Variants in BCAT2 observed in about 807,000 individuals in gnomAD.
BCAT2 encodes the protein branched-chain-amino-acid aminotransferase, mitochondrial.
A neutral mutation model predicts 52.9 loss-of-function variants in BCAT2; 44 were observed. That is an observed-to-expected ratio of 0.83 (90% CI 0.65 to 1.07). The LOEUF (loss-of-function observed/expected upper bound fraction) is 1.07. Among genes scored for constraint, BCAT2 ranks in the 50% least tolerant of loss-of-function variants. The pLI, the probability that BCAT2 is intolerant of heterozygous loss-of-function variation, is 0.00. For synonymous variants in BCAT2, 215 were observed against 217.1 expected (o/e 0.99, Z 0.08); for missense variants, 478 against 521.8 (o/e 0.92, Z 0.82).
At chr19:48,810,704 T>G in intron 1 of BCAT2, 33 of 388,990 alleles carry the variant, frequency 8.5e-5, no homozygotes, top group Non-Finnish European at 1.1e-4. Flanking sequence ...CCCCCACGCC[T>G]CCCTCATTAC....
rs753692010 is a variant in BCAT2 at position 48,810,980 on chromosome 19, C to G, written c.24+4G>C. On this transcript the variant is annotated splice_donor_region_variant and intron_variant, in intron 1 of 10. Transcript: ENST00000316273. ...CAGACCCCGGCGCGGGGCTGCGAAC[C>G]CACCTGCCCCAGAGCGGCTGCGGCC... The G allele has an allele frequency of 6.3e-5, 102 of 1,608,366 alleles. No homozygotes were observed. In the East Asian group the frequency reaches 2.2e-3, roughly 35 times the overall value.
In BCAT2 at chr19:48,796,587, G is replaced by C. The variant is rs759145627; in HGVS notation, c.1056C>G (p.Tyr352Ter). Residue 352 changes from tyrosine to a stop codon, truncating the protein, a stop_gained, in exon 9 of 11, where the codon TAC (tyrosine) becomes TAG (stop). Coordinates refer to ENST00000316273, the MANE Select transcript of BCAT2 (RefSeq NM_001190.4). LOFTEE classifies it high-confidence loss of function. Reference protein sequence around the residue: ...CQVCPVHRILYKDRNLHIPTM... With the variant: ...CQVCPVHRIL ...GGCAGCCCCGCCTCACCCTGTCTTT[G>C]TACAGGATTCGGTGCACTGGGCAGA... 8.1e-6 allele frequency: 13 copies of C among 1,612,080 alleles called. No homozygotes were observed. The highest frequency in any genetic ancestry group is 1.1e-5 in the Non-Finnish European group (13 of 1,179,422).
At chr19:48,798,340 C>T (rs539190533) in intron 6 of BCAT2, among the ~76,000 whole-genome samples, 14 of 152,336 alleles carry the variant, frequency 9.2e-5, no homozygotes, top group African/African-American at 3.4e-4. Context: ...GAGATAGCCT[C>T]TCCCCTCAGC....
chr19:48,797,397 G>C, intron 6 of BCAT2, 64 bp from the exon 7 acceptor site: 1 of 1,589,680 alleles, frequency 6.3e-7, no homozygotes, highest in Non-Finnish European at 8.6e-7. Flanking sequence ...CCCAGCCCCA[G>C]AGGAGGCTCA....
Position 48,807,518 on chromosome 19 carries a change from A to C in BCAT2, c.25-444T>G. 1 of 184,436 alleles carries C rather than the reference A, an allele frequency of 5.4e-6. No individual in the cohort carries two copies. Among genetic ancestry groups the C allele is most frequent in the Non-Finnish European group, 1.1e-5 (1 of 94,048 alleles). 11.4% of individuals were successfully genotyped at this position (184,436 alleles called of 1,614,324 possible). On this transcript the variant is annotated intron_variant, in intron 1 of 10. Coordinates refer to ENST00000316273, the MANE Select transcript of BCAT2 (RefSeq NM_001190.4). The surrounding 1 kb of genome is among the most constrained non-coding windows in gnomAD (Gnocchi z 4.6). ...CCCAGGCCCGCCTCCCTCAGACCTA[A>C]GTAAGAGTCCAGACTCTAGCTGCCT...
chr19:48,810,214 CAAAT>C (rs1021545582), intron 1 of BCAT2, among the ~76,000 whole-genome samples: 3 of 152,188 alleles, frequency 2.0e-5, no homozygotes, highest in African/African-American at 7.2e-5. Flanking sequence ...ATAAGAGACT[CAAAT>C]AAAGTCAGGT....
chr19:48,801,104 C>T (rs1453494840), intron 3 of BCAT2, among the ~76,000 whole-genome samples: 4 of 152,066 alleles, frequency 2.6e-5, no homozygotes, highest in Non-Finnish European at 5.9e-5. Context: ...TCTTGTGCCT[C>T]GGCCTCCTGG....
chr19:48,803,177 A>C (rs2034693008), intron 3 of BCAT2, among the ~76,000 whole-genome samples: 1 of 152,108 alleles, frequency 6.6e-6, no homozygotes, highest in Admixed American at 6.6e-5. Flanking sequence ...CCTGGGAAAC[A>C]GAGCAAGACA....
At chr19:48,797,656 T>C (rs34867589) in intron 6 of BCAT2, 37,024 of 304,656 alleles carry the variant, frequency 0.12, 2,694 homozygotes, top group Middle Eastern at 0.23. Context: ...GTTCAAGAGA[T>C]TCTCCTGCCT....
At chr19:48,803,504 G>A (rs2034699832) in intron 3 of BCAT2, among the ~76,000 whole-genome samples, 1 of 152,126 alleles carries the variant, frequency 6.6e-6, no homozygotes, top group Non-Finnish European at 1.5e-5. Context: ...CTCCAGCCTG[G>A]GCTACAGAGC....
intron 10 of BCAT2, 57 bp downstream of exon 10, chr19:48,796,371 C>T: frequency 3.1e-6 from 5 of 1,605,190 alleles, no homozygotes; most frequent in Non-Finnish European, 4.3e-6. Context: ...GCTCATGGGA[C>T]ACCAACTTCT....
At chr19:48,809,767 T>TTAA (rs1249089909) in intron 1 of BCAT2, among the ~76,000 whole-genome samples, 4 of 145,690 alleles carry the variant, frequency 2.7e-5, no homozygotes, top group African/African-American at 1.0e-4. Context: ...GGTCTGAAAT[T>TTAA]AAAAAAAAAA....
Position 48,796,426 on chromosome 19 carries a change from A to C in BCAT2, c.1140+2T>G. 6.2e-7 allele frequency: 1 copy of C among 1,614,128 alleles called. No individual in the cohort carries two copies. The highest frequency in any genetic ancestry group is 2.2e-5 in the East Asian group (1 of 44,878). On this transcript the variant is annotated splice_donor_variant, in intron 10 of 10. Coordinates refer to ENST00000316273, the MANE Select transcript of BCAT2 (RefSeq NM_001190.4). LOFTEE classifies it high-confidence loss of function. ...CCCATTCCCCAGCTCCCTGCAGCTC[A>C]CCTGGATCTCCTTCAGCTCCTTCTG... is the stretch of plus-strand genomic sequence containing the variant.
At chr19:48,810,741 T>TC in intron 1 of BCAT2, 1 of 1,021,604 alleles carries the variant, frequency 9.8e-7, no homozygotes. Flanking sequence ...TTTCCCTTTT[T>TC]TTTTTTTTTT....
Position 48,808,616 on chromosome 19 carries a change from G to A in BCAT2, c.25-1542C>T, listed in dbSNP as rs568428771. ...TACAGAAAATACAAGTTAGCTGGGTGTGGTGGCGGGCGCCTGTAGTCCCAG... is the reference window on the plus strand; with the variant it reads ...TACAGAAAATACAAGTTAGCTGGGTATGGTGGCGGGCGCCTGTAGTCCCAG... On this transcript the variant is annotated intron_variant, in intron 1 of 10. Transcript: ENST00000316273. Among the ~76,000 whole-genome samples the A allele has an allele frequency of 1.0e-3, 154 of 151,960 alleles. 1 individual carries two copies. Among genetic ancestry groups the A allele is most frequent in the Non-Finnish European group, 1.6e-3 (110 of 67,992 alleles).
chr19:48,795,516 A>G, intron 10 of BCAT2, 52 bp from the exon 11 acceptor site: 1 of 1,606,082 alleles, frequency 6.2e-7, no homozygotes, highest in Non-Finnish European at 8.5e-7. Flanking sequence ...TACAACTCCC[A>G]GTAGGCCCTG....
At chr19:48,797,869 T>G (rs1449042773) in intron 6 of BCAT2, among the ~76,000 whole-genome samples, 1 of 150,682 alleles carries the variant, frequency 6.6e-6, no homozygotes, top group Non-Finnish European at 1.5e-5. Flanking sequence ...GAGGCTAGAG[T>G]GCAGTGGTGC....
Position 48,797,165 on chromosome 19 carries a change from T to G in BCAT2, c.838+26A>C, listed in dbSNP as rs756904815. 3.7e-6 allele frequency: 6 copies of G among 1,612,940 alleles called. No homozygotes were observed. The South Asian group carries it at 6.6e-5, about 18-fold the overall frequency. ...TGGTGCCACCCACTTCCACCAGGGTTCGGGCTGGGTCATGGGTGGGCTTAC... is the reference window on the plus strand; with the variant it reads ...TGGTGCCACCCACTTCCACCAGGGTGCGGGCTGGGTCATGGGTGGGCTTAC... On this transcript the variant is annotated intron_variant, in intron 7 of 10. Transcript: ENST00000316273.
intron 8 of BCAT2, 76 bp from the exon 9 acceptor site, chr19:48,796,794 G>A (rs1358145062): frequency 1.3e-6 from 2 of 1,590,470 alleles, no homozygotes; most frequent in African/African-American, 1.3e-5. Flanking sequence ...CCTCCCTGAG[G>A]ATAGTGAGAA....
Sources: gnomAD v4.1 joint callset for allele counts (sites outside exome capture counted in the v4.1 genomes callset) on GRCh38, gnomAD v4.1.1 for gene constraint, Gnocchi (gnomAD v3.1) non-coding constraint, MANE v1.5 for transcripts, NCBI Gene and HGNC (gene_info 2026-07-23, HGNC 2026-07-21) for gene names.